The following CYFIP2 variants were observed in gnomAD, a reference collection of about 807,000 sequenced individuals.
CYFIP2 encodes the protein cytoplasmic FMR1 interacting protein 2, also known as cytoplasmic FMR1-interacting protein 2.
CYFIP2 carries 29 observed loss-of-function variants against 158.7 expected under a neutral mutation model. That is an observed-to-expected ratio of 0.18 (90% CI 0.14 to 0.25). CYFIP2 has a LOEUF of 0.25. CYFIP2 is among the 10% of genes least tolerant of loss of function. The pLI is 1.00. For missense variants in CYFIP2, 852 were observed against 1,639.5 expected, an observed-to-expected ratio of 0.52 and a Z score of 8.29; for synonymous variants, 585 against 617.6, an observed-to-expected ratio of 0.95 and a Z score of 0.78.
chr5:157,334,574 G>A (rs1441520633), intron 21 of CYFIP2, among the ~76,000 whole-genome samples: 2 of 151,916 alleles, frequency 1.3e-5, no homozygotes, highest in Non-Finnish European at 2.9e-5. Context: ...AAGTATCAAA[G>A]TTAATATTAC....
chr5:157,362,180 A>G (rs1561766295), intron 26 of CYFIP2, among the ~76,000 whole-genome samples: 1 of 152,318 alleles, frequency 6.6e-6, no homozygotes, highest in East Asian at 1.9e-4. Context: ...TTTAAAATTT[A>G]GGGTCAGCAG....
rs370355571 is a variant in CYFIP2 at position 157,339,263 on chromosome 5, G to T, written c.2585+7G>T. 2.9e-5 allele frequency: 47 copies of T among 1,606,602 alleles called. No homozygotes were observed. Among genetic ancestry groups the T allele is most frequent in the Non-Finnish European group, 3.8e-5 (45 of 1,174,528 alleles). ...ACAATGGGTCCACTAACCGGTAAGGGAGTCCCTGTGCAGAGGGGGCCGGGT... is the reference window on the plus strand; with the variant it reads ...ACAATGGGTCCACTAACCGGTAAGGTAGTCCCTGTGCAGAGGGGGCCGGGT... On this transcript the variant is annotated splice_region_variant and intron_variant, in intron 22 of 30. Coordinates refer to ENST00000620254, the MANE Select transcript of CYFIP2 (RefSeq NM_001037333.3).
intron 3 of CYFIP2, among the ~76,000 whole-genome samples, chr5:157,290,309 AG>A (rs1757716874): frequency 6.6e-6 from 1 of 152,190 alleles, no homozygotes; most frequent in Non-Finnish European, 1.5e-5. Context: ...AGGCTCCAGG[AG>A]AAAGTCTGTT....
chr5:157,386,095 T>C (rs535657760), intron 28 of CYFIP2, among the ~76,000 whole-genome samples: 2 of 152,240 alleles, frequency 1.3e-5, no homozygotes, highest in Admixed American at 6.5e-5. Context: ...AAAAATACAA[T>C]GTTAACACAC....
At chr5:157,298,449 A>C (rs1029592768) in intron 5 of CYFIP2, among the ~76,000 whole-genome samples, 1 of 151,308 alleles carries the variant, frequency 6.6e-6, no homozygotes, top group Non-Finnish European at 1.5e-5. Flanking sequence ...CTCCTGCCTC[A>C]GCCTCCCTCC....
chr5:157,335,064 T>G (rs925496611), intron 21 of CYFIP2, among the ~76,000 whole-genome samples: 5 of 152,170 alleles, frequency 3.3e-5, no homozygotes, highest in African/African-American at 1.2e-4. Flanking sequence ...GGACAAAGTA[T>G]AAAAATAAAG....
intron 1 of CYFIP2, among the ~76,000 whole-genome samples, chr5:157,281,143 C>T (rs116750551): frequency 0.01 from 1,584 of 152,220 alleles, 21 homozygotes; most frequent in African/African-American, 0.035. Flanking sequence ...TGGGGTGTAG[C>T]ATGTTTTTCT....
chr5:157,326,676 C>T (rs1036017715), intron 18 of CYFIP2, among the ~76,000 whole-genome samples: 2 of 152,172 alleles, frequency 1.3e-5, no homozygotes, highest in African/African-American at 2.4e-5. Flanking sequence ...AGGCTTGAGC[C>T]GCCTGTAGAA....
chr5:157,293,152 T>C (rs1372882185), intron 3 of CYFIP2, among the ~76,000 whole-genome samples: 1 of 151,928 alleles, frequency 6.6e-6, no homozygotes, highest in Admixed American at 6.6e-5. Context: ...GCCCCCCGAG[T>C]TCATGCAATT....
intron 8 of CYFIP2, among the ~76,000 whole-genome samples, chr5:157,307,266 T>G (rs1759311409): frequency 6.6e-6 from 1 of 152,192 alleles, no homozygotes; most frequent in Non-Finnish European, 1.5e-5. Context: ...ATGCCTGTAT[T>G]GTGCCCCACC....
chr5:157,361,225 T>TTG lies in CYFIP2; in HGVS notation c.2909-232_2909-231dup, dbSNP rs572360574. 1.6e-4 allele frequency among the ~76,000 whole-genome samples: 24 copies of TTG among 151,960 alleles called. No individual in the cohort carries two copies. The highest frequency in any genetic ancestry group is 5.5e-4 in the African/African-American group (23 of 41,452). ...TGGTGCCTCATTTGTGTGCCTGTGT[T>TTG]TGTGTGTGTGTGCATGTGTGTGCGT... On this transcript the variant is annotated intron_variant, in intron 25 of 30. Coordinates refer to ENST00000620254, the MANE Select transcript of CYFIP2 (RefSeq NM_001037333.3). The surrounding 1 kb of genome is among the most constrained non-coding windows in gnomAD (Gnocchi z 4.4).
At chr5:157,349,866 G>A (rs2113302397) in intron 23 of CYFIP2, among the ~76,000 whole-genome samples, 1 of 152,306 alleles carries the variant, frequency 6.6e-6, no homozygotes, top group Middle Eastern at 3.4e-3. Flanking sequence ...CTGATCATTA[G>A]CGATGCTGAG....
chr5:157,356,249 T>C (rs909445884), intron 23 of CYFIP2, among the ~76,000 whole-genome samples: 1 of 152,112 alleles, frequency 6.6e-6, no homozygotes, highest in Admixed American at 6.6e-5. Flanking sequence ...TAGGCTCCCA[T>C]GGCATAGAGG....
At chr5:157,343,003 GA>G (rs746234260) in intron 23 of CYFIP2, 37 of 1,614,078 alleles carry the variant, frequency 2.3e-5, no homozygotes, top group Non-Finnish European at 3.0e-5. Context: ...CCACCAGGGG[GA>G]GCCCCTGCAG....
At chr5:157,323,833 A>C (rs1186888779) in intron 15 of CYFIP2, 88 bp from the exon 16 acceptor site, 2 of 1,388,254 alleles carry the variant, frequency 1.4e-6, no homozygotes, top group African/African-American at 2.9e-5. Flanking sequence ...GCAGAAAAAA[A>C]AAAATACATA....
Position 157,333,284 on chromosome 5 carries a change from A to G in CYFIP2, c.2266-43A>G, listed in dbSNP as rs755635839. 12 of 1,612,278 alleles carry G rather than the reference A, an allele frequency of 7.4e-6. No individual in the cohort carries two copies. In the African/African-American group the frequency reaches 1.5e-4, roughly 20 times the overall value. On this transcript the variant is annotated intron_variant, in intron 20 of 30. Transcript: ENST00000620254. Reference sequence around the variant, plus strand: ...CAGGCATGAGCCACTGCACCTGGCCAGTGTGAATTTTAAGTAACTTTTCTC... The same window carrying G: ...CAGGCATGAGCCACTGCACCTGGCCGGTGTGAATTTTAAGTAACTTTTCTC...
intron 26 of CYFIP2, among the ~76,000 whole-genome samples, chr5:157,365,912 G>A (rs1764324969): frequency 6.6e-6 from 1 of 151,506 alleles, no homozygotes; most frequent in African/African-American, 2.4e-5. Context: ...TTTTACTGTG[G>A]GTGGACATTT....
In CYFIP2 at chr5:157,390,550, C is replaced by T; in HGVS notation, c.3476C>T (p.Ala1159Val). 6.5e-7 allele frequency: 1 copy of T among 1,544,266 alleles called. No homozygotes were observed. The highest frequency in any genetic ancestry group is 8.7e-7 in the Non-Finnish European group (1 of 1,143,580). Residue 1159 changes from alanine to valine, a missense_variant, in exon 30 of 31, where the codon GCT becomes GTT. Coordinates refer to ENST00000620254, the MANE Select transcript of CYFIP2 (RefSeq NM_001037333.3). ...TGTTTCGGCGATGGCTTGAACTGGGCTGGTTGCTCCATCATTGTCCTGCTG... is the reference window on the plus strand; with the variant it reads ...TGTTTCGGCGATGGCTTGAACTGGGTTGGTTGCTCCATCATTGTCCTGCTG... ...EQCFGDGLNW[A>V]GCSIIVLLGQ...
At chr5:157,303,390 T>A (rs1758941300) in intron 7 of CYFIP2, among the ~76,000 whole-genome samples, 1 of 152,236 alleles carries the variant, frequency 6.6e-6, no homozygotes, top group Non-Finnish European at 1.5e-5. Context: ...ATAGCTGTTA[T>A]TGCTGCCGCT....
Sources: allele counts gnomAD v4.1 joint callset (sites outside exome capture counted in the v4.1 genomes callset), GRCh38; gene constraint gnomAD v4.1.1; non-coding constraint Gnocchi (gnomAD v3.1); transcripts MANE v1.5; gene names NCBI Gene and HGNC (gene_info 2026-07-23, HGNC 2026-07-21).